The following LPCAT3 variants were observed in gnomAD, a reference collection of about 807,000 sequenced individuals.
LPCAT3 encodes lysophospholipid acyltransferase 5.
LPCAT3 carries 21 observed loss-of-function variants against 63.4 expected under a neutral mutation model. The ratio of observed to expected loss-of-function variants is 0.33; its 90% CI spans 0.23 to 0.48. The LOEUF is 0.48. LPCAT3 is among the 20% of genes least tolerant of loss of function. The probability of loss-of-function intolerance (pLI) is 0.99; values close to 1 mark genes in which losing one functional copy is unlikely to be tolerated. For missense variants in LPCAT3, 451 were observed against 590.6 expected, an observed-to-expected ratio of 0.76 and a Z score of 2.45; for synonymous variants, 242 against 227.5, an observed-to-expected ratio of 1.06 and a Z score of -0.58.
At chr12:7,013,016 CA>C (rs1946774519) in intron 1 of LPCAT3, among the ~76,000 whole-genome samples, 1 of 152,184 alleles carries the variant, frequency 6.6e-6, no homozygotes, top group Non-Finnish European at 1.5e-5. Flanking sequence ...CTGTGGTAAA[CA>C]AAACTTCCAT....
intron 1 of LPCAT3, among the ~76,000 whole-genome samples, chr12:6,998,944 C>T (rs1409921098): frequency 1.3e-5 from 2 of 152,250 alleles, no homozygotes; most frequent in African/African-American, 4.8e-5. Flanking sequence ...AAATTAGAAT[C>T]CACATCACCT....
rs943996080 is a variant in LPCAT3 at position 7,017,671 on chromosome 12, C to T, written c.151+603G>A. ...GGTTGTTAGTCCTGTTTCCCAAGTC[C>T]AGCATTAAAATGATATTCCAGGGTA... is the stretch of plus-strand genomic sequence containing the variant. On this transcript the variant is annotated intron_variant, in intron 1 of 12. Transcript: ENST00000261407. The surrounding 1 kb of genome is among the most constrained non-coding windows in gnomAD (Gnocchi z 4.1). Among the ~76,000 whole-genome samples the T allele has an allele frequency of 6.6e-6, 1 of 152,034 alleles. No individual in the cohort carries two copies. The highest frequency in any genetic ancestry group is 1.5e-5 in the Non-Finnish European group (1 of 68,016).
intron 6 of LPCAT3, chr12:6,980,740 A>G: frequency 3.3e-6 from 1 of 303,988 alleles, no homozygotes; most frequent in Non-Finnish European, 6.0e-6. Flanking sequence ...TAGGCTTTAA[A>G]GGCAGAAATG....
chr12:7,013,636 A>G (rs1946779990), intron 1 of LPCAT3, among the ~76,000 whole-genome samples: 1 of 151,448 alleles, frequency 6.6e-6, no homozygotes, highest in Non-Finnish European at 1.5e-5. Flanking sequence ...TGTGTAGATG[A>G]CTGTGTCTAC....
chr12:7,018,245 G>C lies in LPCAT3; in HGVS notation c.151+29C>G. On this transcript the variant is annotated intron_variant, in intron 1 of 12. Coordinates refer to ENST00000261407, the MANE Select transcript of LPCAT3 (RefSeq NM_005768.6). The surrounding 1 kb of genome is among the most constrained non-coding windows in gnomAD (Gnocchi z 4.9). Reference sequence around the variant, plus strand: ...CCCCTACTCCCCGGGGACTCCGCGAGGGGCGGAGGGAGGCAGGAGGGTCCT... The same window carrying C: ...CCCCTACTCCCCGGGGACTCCGCGACGGGCGGAGGGAGGCAGGAGGGTCCT... The C allele has an allele frequency of 6.3e-7, 1 of 1,576,742 alleles. No individual in the cohort carries two copies. The highest frequency in any genetic ancestry group is 8.6e-7 in the Non-Finnish European group (1 of 1,160,862).
intron 1 of LPCAT3, among the ~76,000 whole-genome samples, chr12:6,993,391 G>A (rs782488153): frequency 5.3e-5 from 8 of 151,120 alleles, no homozygotes; most frequent in Admixed American, 2.6e-4. Context: ...CTGAGATTGC[G>A]CCACTGCACT....
In LPCAT3 at chr12:6,979,522, T is replaced by C. The variant is rs782034640; in HGVS notation, c.735A>G (p.Thr245=). The change falls in exon 7 of 13, where the codon ACA becomes ACG. Residue 245 remains threonine, a synonymous_variant. Coordinates refer to ENST00000261407, the MANE Select transcript of LPCAT3 (RefSeq NM_005768.6). ...CTTCTGTGATGTGGGGGCTGAGCAG[T>C]GTGTAGCCCACTAGGTAGAAAAGGC... ...SLGLFYLVGY[T]LLSPHITEDY... 4 of 1,614,134 alleles carry C rather than the reference T, an allele frequency of 2.5e-6. No individual in the cohort carries two copies. The highest frequency in any genetic ancestry group is 3.3e-5 in the Admixed American group (2 of 60,012).
chr12:7,012,638 TC>T (rs1184400241), intron 1 of LPCAT3, among the ~76,000 whole-genome samples: 1 of 152,192 alleles, frequency 6.6e-6, no homozygotes, highest in Non-Finnish European at 1.5e-5. Flanking sequence ...TTTCATTCCC[TC>T]CCTGAGTCAG....
At chr12:6,994,765 C>T (rs748097723) in intron 1 of LPCAT3, among the ~76,000 whole-genome samples, 163 of 152,328 alleles carry the variant, frequency 1.1e-3, no homozygotes, top group Non-Finnish European at 1.7e-3. Context: ...AATGTTCACT[C>T]TTACTTTCTG....
At position 6,982,699 on chromosome 12, in the gene LPCAT3, G is replaced by C; in HGVS notation, c.343C>G (p.Leu115Val). 1.2e-6 allele frequency: 2 copies of C among 1,613,414 alleles called. No individual in the cohort carries two copies. The highest frequency in any genetic ancestry group is 8.5e-7 in the Non-Finnish European group (1 of 1,179,334). ...ACCATCTGGAAGCAAAAGGTAGTGA[G>C]GACGGCAGTGATGGTGCGGCCCATT... ...RLMGRTITAV[L>V]TTFCFQMAYL... The change falls in exon 3 of 13, where the codon CTC becomes GTC. Residue 115 changes from leucine (L) to valine (V), a missense_variant. By Grantham distance (32) the Leu-to-Val change is conservative (BLOSUM62 1). Coordinates refer to ENST00000261407, the MANE Select transcript of LPCAT3 (RefSeq NM_005768.6).
rs1177966254 is a variant in LPCAT3 at position 6,978,396 on chromosome 12, G to A, written c.985C>T (p.Arg329Cys). 1.9e-5 allele frequency: 30 copies of A among 1,613,800 alleles called. No individual in the cohort carries two copies. The highest frequency in any genetic ancestry group is 1.1e-4 in the East Asian group (5 of 44,898). The change falls in exon 9 of 13, where the codon CGC becomes TGC. Residue 329 changes from arginine to cysteine, a missense_variant. Physicochemically the swap from Arg to Cys is radical, Grantham distance 180. Transcript: ENST00000261407. ...AATGAGGCAATGGTGCCAGTGAAGC[G>A]GGGGTTTGTTTCAAAGAGCCACACC... is the stretch of plus-strand genomic sequence containing the variant. The part of the protein sequence containing the change: ...MKVWLFETNP[R>C]FTGTIASFNI...
At chr12:7,015,815 TGAGAGAAGAG>T (rs1269214317) in intron 1 of LPCAT3, among the ~76,000 whole-genome samples, 1 of 152,064 alleles carries the variant, frequency 6.6e-6, no homozygotes, top group Non-Finnish European at 1.5e-5. Flanking sequence ...TGAGAGAAGA[TGAGAGAAGAG>T]GAGTGGGATA....
rs1946811614 is a variant in LPCAT3 at position 7,018,467 on chromosome 12, C to T, written c.-43G>A. ...CACAGGGACCCCCCAGCTCCGCGCGCCCCGAATGCGGGCAAAACGCTATCG... is the reference window on the plus strand; with the variant it reads ...CACAGGGACCCCCCAGCTCCGCGCGTCCCGAATGCGGGCAAAACGCTATCG... On this transcript the variant is annotated 5_prime_UTR_variant, in exon 1 of 13. Transcript: ENST00000261407. The surrounding 1 kb of genome is among the most constrained non-coding windows in gnomAD (Gnocchi z 4.9). 2.0e-6 allele frequency: 3 copies of T among 1,512,262 alleles called. No individual in the cohort carries two copies. The highest frequency in any genetic ancestry group is 2.8e-5 in the African/African-American group (2 of 72,434). The allele number at this position is 1,512,262 out of a possible 1,614,324, so 93.7% of individuals were successfully genotyped here.
Position 6,978,496 on chromosome 12 carries a change from G to A in LPCAT3, c.885C>T (p.Cys295=). 6.2e-7 allele frequency: 1 copy of A among 1,613,068 alleles called. No individual in the cohort carries two copies. Among genetic ancestry groups the A allele is most frequent in the Non-Finnish European group, 8.5e-7 (1 of 1,179,206 alleles). Residue 295 remains cysteine (C), a synonymous_variant, in exon 9 of 13, where the codon TGC becomes TGT. Transcript: ENST00000261407. ...VTCWLVTEGV[C]ILTGLGFNGF... The stretch of plus-strand genomic sequence containing the variant: ...CATTGAAGCCCAGGCCCGTCAAAAT[G>A]CATACTCCTTCCTGAGAGGGAATAG...
At chr12:6,986,506 C>T (rs889902306) in intron 1 of LPCAT3, among the ~76,000 whole-genome samples, 90 of 152,026 alleles carry the variant, frequency 5.9e-4, no homozygotes, top group African/African-American at 1.9e-3. Flanking sequence ...TATATGTGGC[C>T]GGGTGTGGTG....
Position 6,981,145 on chromosome 12 carries a change from C to T in LPCAT3, c.536G>A (p.Arg179His), listed in dbSNP as rs782324010. ...LSSEQQKYAI[R>H]GVPSLLEVAG... is the part of the protein sequence containing the mutation. The stretch of plus-strand genomic sequence containing the variant: ...AACTTCCAGCAGGGAAGGAACACCA[C>T]GTATGGCATATTTCTGTTGCTCAGA... Residue 179 changes from arginine (R) to histidine (H), a missense_variant, in exon 6 of 13, where the codon CGT becomes CAT. Arg to His is a conservative substitution (Grantham distance 29, BLOSUM62 0). Transcript: ENST00000261407. 14 of 1,613,064 alleles carry T rather than the reference C, an allele frequency of 8.7e-6. No individual in the cohort carries two copies. The highest frequency in any genetic ancestry group is 3.3e-5 in the South Asian group (3 of 90,946).
intron 1 of LPCAT3, among the ~76,000 whole-genome samples, chr12:6,983,915 A>G (rs1020192189): frequency 9.2e-5 from 14 of 152,186 alleles, no homozygotes; most frequent in African/African-American, 2.6e-4. Context: ...GGCTGAGGCA[A>G]GGGGATTGCT....
intron 1 of LPCAT3, among the ~76,000 whole-genome samples, chr12:7,006,569 T>A (rs781937573): frequency 6.6e-5 from 10 of 152,234 alleles, no homozygotes; most frequent in Non-Finnish European, 1.3e-4. Context: ...GTTCCCATGT[T>A]TTGCTATTAT....
At chr12:7,013,152 A>G (rs1946776610) in intron 1 of LPCAT3, among the ~76,000 whole-genome samples, 1 of 152,266 alleles carries the variant, frequency 6.6e-6, no homozygotes, top group Non-Finnish European at 1.5e-5. Context: ...GAAAGAACTC[A>G]GAGGAAGATG....
Sources: allele counts gnomAD v4.1 joint callset (sites outside exome capture counted in the v4.1 genomes callset), GRCh38; gene constraint gnomAD v4.1.1; non-coding constraint Gnocchi (gnomAD v3.1); transcripts MANE v1.5; gene names NCBI Gene and HGNC (gene_info 2026-07-23, HGNC 2026-07-21).